The following ANO3 variants were observed in gnomAD, a reference collection of about 807,000 sequenced individuals.
The protein encoded by ANO3 is anoctamin-3.
ANO3 carries 99 observed loss-of-function variants against 144.8 expected under a neutral mutation model. The observed-to-expected ratio is 0.68, with a 90% CI of 0.58 to 0.81. ANO3 has a LOEUF of 0.81. Among genes scored for constraint, ANO3 ranks in the 30% least tolerant of loss-of-function variants. The pLI is 0.00. For missense variants in ANO3, 905 were observed against 1,202.2 expected (o/e 0.75, Z 3.66); for synonymous variants, 414 against 392.6 (o/e 1.05, Z -0.64).
intron 1 of ANO3, among the ~76,000 whole-genome samples, chr11:26,269,168 C>CT (rs1011042858): frequency 5.3e-5 from 8 of 152,188 alleles, no homozygotes; most frequent in African/African-American, 1.9e-4. Flanking sequence ...CAGGACTCAG[C>CT]TCCCTCCACC....
intron 11 of ANO3, among the ~76,000 whole-genome samples, chr11:26,543,541 A>T (rs2134208815): frequency 6.6e-6 from 1 of 152,102 alleles, no homozygotes; most frequent in African/African-American, 2.4e-5. Context: ...CATGTGCCAT[A>T]TTGGTGTGCT....
At chr11:26,443,909 C>A in intron 3 of ANO3, 73 bp downstream of exon 3, 3 of 1,031,924 alleles carry the variant, frequency 2.9e-6, no homozygotes, top group Middle Eastern at 2.1e-4. Flanking sequence ...CTAAAAAAAA[C>A]TAGCATTTTT....
intron 21 of ANO3, 58 bp from the exon 22 acceptor site, chr11:26,641,838 T>C: frequency 1.9e-6 from 3 of 1,555,554 alleles, no homozygotes; most frequent in Non-Finnish European, 2.6e-6. Context: ...TCACTATACA[T>C]TGTTAACCAG....
At chr11:26,629,598 A>G (rs1253832964) in intron 18 of ANO3, among the ~76,000 whole-genome samples, 1 of 152,152 alleles carries the variant, frequency 6.6e-6, no homozygotes, top group Non-Finnish European at 1.5e-5. Context: ...ATCAAGATGC[A>G]TTATTCCTTT....
chr11:26,438,357 T>C (rs1196609563), intron 1 of ANO3, among the ~76,000 whole-genome samples: 1 of 151,912 alleles, frequency 6.6e-6, no homozygotes, highest in African/African-American at 2.4e-5. Context: ...AATGAAAATA[T>C]AGGCTACAGA....
intron 1 of ANO3, among the ~76,000 whole-genome samples, chr11:26,391,492 T>C (rs895711492): frequency 3.4e-4 from 52 of 152,160 alleles, no homozygotes; most frequent in African/African-American, 1.2e-3. Flanking sequence ...CATTGATTTC[T>C]GATCCTTTAA....
At chr11:26,384,157 C>A (rs1025840432) in intron 1 of ANO3, among the ~76,000 whole-genome samples, 1 of 151,966 alleles carries the variant, frequency 6.6e-6, no homozygotes, top group Non-Finnish European at 1.5e-5. Context: ...GCCTTGGCCT[C>A]CCAAAGTGCT....
chr11:26,429,011 G>C (rs1858000978), intron 1 of ANO3, among the ~76,000 whole-genome samples: 1 of 152,164 alleles, frequency 6.6e-6, no homozygotes, highest in Non-Finnish European at 1.5e-5. Context: ...CTTGCTAGAA[G>C]GGCACAGCCG....
intron 1 of ANO3, among the ~76,000 whole-genome samples, chr11:26,334,501 T>C (rs557348564): frequency 6.6e-6 from 1 of 152,346 alleles, no homozygotes; most frequent in African/African-American, 2.4e-5. Context: ...GAAAATTCTG[T>C]AGTGGAACTC....
At chr11:26,299,780 G>C (rs1013768435) in intron 1 of ANO3, among the ~76,000 whole-genome samples, 3 of 152,188 alleles carry the variant, frequency 2.0e-5, no homozygotes, top group African/African-American at 7.2e-5. Flanking sequence ...ATATGTGGAA[G>C]AGATGGCCTT....
At chr11:26,193,197 A>G (rs1312221726) in intron 1 of ANO3, among the ~76,000 whole-genome samples, 3 of 140,672 alleles carry the variant, frequency 2.1e-5, no homozygotes, top group African/African-American at 8.0e-5. Context: ...GCTGGAGTGC[A>G]ATGGCGCCAT....
intron 23 of ANO3, among the ~76,000 whole-genome samples, chr11:26,645,424 T>C (rs76203115): frequency 0.073 from 11,046 of 151,906 alleles, 602 homozygotes; most frequent in South Asian, 0.15. Context: ...ACTCCAACTA[T>C]ATTGGAAAGC....
chr11:26,343,064 T>A (rs1300648501), intron 1 of ANO3, among the ~76,000 whole-genome samples: 1 of 152,172 alleles, frequency 6.6e-6, no homozygotes, highest in African/African-American at 2.4e-5. Context: ...ACCATGTTGA[T>A]ATTAGATTTT....
chr11:26,422,375 G>T (rs950641404), intron 1 of ANO3, among the ~76,000 whole-genome samples: 7 of 152,018 alleles, frequency 4.6e-5, no homozygotes, highest in African/African-American at 1.7e-4. Context: ...CCTCCTTGGA[G>T]CAATGTCAGT....
At chr11:26,225,138 A>G (rs551002549) in intron 1 of ANO3, among the ~76,000 whole-genome samples, 191 of 152,280 alleles carry the variant, frequency 1.3e-3, no homozygotes, top group African/African-American at 4.5e-3. Context: ...CTAAAATAAT[A>G]TGTATTTAGT....
rs1225825791 is a variant in ANO3, at chr11:26,190,642, A to G, written c.154+1312A>G. ...CTGTCAGAGTTAGCACATCCATTCC[A>G]TTAGATTCAACTATTGTCTTTATGC... is the stretch of plus-strand genomic sequence containing the variant. On this transcript the variant is annotated intron_variant, in intron 1 of 27. Transcript: ENST00000672621. Among the ~76,000 whole-genome samples, 3 of 152,054 alleles carry G rather than the reference A, an allele frequency of 2.0e-5. No homozygotes were observed. In the East Asian group the frequency reaches 5.8e-4, roughly 29 times the overall value.
rs184543999 is a variant in ANO3, at chr11:26,480,666, G to A, written c.432+17518G>A. The stretch of plus-strand genomic sequence containing the variant: ...CTACTAAAAATATAAAAATTAGCCA[G>A]GCGTGGTGGCTCGTACCTGTAGACC... On this transcript the variant is annotated intron_variant, in intron 4 of 26. Coordinates refer to ENST00000256737, the MANE Select transcript of ANO3 (RefSeq NM_031418.4). Among the ~76,000 whole-genome samples the A allele has an allele frequency of 2.0e-5, 3 of 151,954 alleles. No homozygotes were observed. In the East Asian group the frequency reaches 5.8e-4, roughly 29 times the overall value.
At chr11:26,467,234 A>G (rs1859630877) in intron 4 of ANO3, among the ~76,000 whole-genome samples, 1 of 151,966 alleles carries the variant, frequency 6.6e-6, no homozygotes, top group Non-Finnish European at 1.5e-5. Context: ...ACAAAATATA[A>G]TAATTACATT....
intron 1 of ANO3, among the ~76,000 whole-genome samples, chr11:26,416,019 T>C (rs1565011740): frequency 6.6e-6 from 1 of 152,138 alleles, no homozygotes; most frequent in Admixed American, 6.6e-5. Flanking sequence ...ATTATACTTT[T>C]ATGCATTGAT....
Sources: allele counts gnomAD v4.1 joint callset (sites outside exome capture counted in the v4.1 genomes callset), GRCh38; gene constraint gnomAD v4.1.1; transcripts MANE v1.5; gene names NCBI Gene and HGNC (gene_info 2026-07-23, HGNC 2026-07-21).